GPC5: variants seen among roughly 807,000 people sequenced by gnomAD.
GPC5 encodes the protein glypican 5.
GPC5 carries 47 observed loss-of-function variants against 53.9 expected under a neutral mutation model. That is an observed-to-expected ratio of 0.87 (90% CI 0.69 to 1.11). GPC5 has a LOEUF of 1.11. Ranked by LOEUF, GPC5 falls within the 50% of genes most tolerant of loss-of-function variation. GPC5 has a pLI of 0.00. For synonymous variants in GPC5, 286 were observed against 263.3 expected (o/e 1.09, Z -0.84); for missense variants, 748 against 713.1 (o/e 1.05, Z -0.56).
chr13:91,573,776 A>G (rs1477396400), intron 2 of GPC5, among the ~76,000 whole-genome samples: 2 of 152,186 alleles, frequency 1.3e-5, no homozygotes, highest in East Asian at 3.8e-4. Flanking sequence ...AAGATAATCT[A>G]AAGAGATAAA....
chr13:92,022,721 C>G (rs976274548), intron 6 of GPC5, among the ~76,000 whole-genome samples: 1 of 151,820 alleles, frequency 6.6e-6, no homozygotes, highest in Admixed American at 6.6e-5. Flanking sequence ...AAATCAGCCC[C>G]AAATATAAAA....
At chr13:91,960,573 T>C (rs2040117442) in intron 6 of GPC5, among the ~76,000 whole-genome samples, 2 of 151,998 alleles carry the variant, frequency 1.3e-5, no homozygotes, top group Admixed American at 1.3e-4. Flanking sequence ...CTAAAATTTG[T>C]GGAACCAAAA....
chr13:92,186,689 C>T (rs1433880241), intron 7 of GPC5, among the ~76,000 whole-genome samples: 1 of 152,114 alleles, frequency 6.6e-6, no homozygotes, highest in Non-Finnish European at 1.5e-5. Context: ...CTGACTGCAT[C>T]GTCAAGGATT....
chr13:92,300,472 C>T (rs1171364779), intron 7 of GPC5, among the ~76,000 whole-genome samples: 2 of 152,174 alleles, frequency 1.3e-5, no homozygotes. Context: ...TCCAATGACA[C>T]TGATGTTGCT....
chr13:91,829,516 A>T (rs2038623238), intron 5 of GPC5, among the ~76,000 whole-genome samples: 1 of 152,100 alleles, frequency 6.6e-6, no homozygotes, highest in Admixed American at 6.6e-5. Context: ...CCTTGTTCTT[A>T]GGAAACAATG....
intron 7 of GPC5, among the ~76,000 whole-genome samples, chr13:92,563,452 T>G (rs1178954281): frequency 6.6e-6 from 1 of 152,030 alleles, no homozygotes; most frequent in Non-Finnish European, 1.5e-5. Flanking sequence ...AATTTTAACT[T>G]GCATGAAATA....
At chr13:91,870,544 G>C (rs757744159) in intron 5 of GPC5, among the ~76,000 whole-genome samples, 2 of 152,140 alleles carry the variant, frequency 1.3e-5, no homozygotes, top group East Asian at 1.9e-4. Context: ...TTACAGTGCA[G>C]TTCATTTCAC....
At chr13:92,754,744 T>C (rs1874779706) in intron 7 of GPC5, among the ~76,000 whole-genome samples, 1 of 151,556 alleles carries the variant, frequency 6.6e-6, no homozygotes, top group Non-Finnish European at 1.5e-5. Context: ...GGCCATTACA[T>C]AATGGTAAAG....
intron 7 of GPC5, among the ~76,000 whole-genome samples, chr13:92,178,068 T>C (rs1377596227): frequency 2.0e-5 from 3 of 152,186 alleles, no homozygotes; most frequent in Non-Finnish European, 2.9e-5. Context: ...GCTCTTAACC[T>C]AATTATATTC....
At chr13:91,456,255 T>C (rs79728812) in intron 2 of GPC5, among the ~76,000 whole-genome samples, 181 of 152,260 alleles carry the variant, frequency 1.2e-3, no homozygotes, top group Non-Finnish European at 2.5e-3. Flanking sequence ...ACATACAAAG[T>C]ATGGTGATCC....
intron 7 of GPC5, among the ~76,000 whole-genome samples, chr13:92,347,797 A>G (rs1317208742): frequency 8.0e-6 from 1 of 125,672 alleles, no homozygotes; most frequent in Non-Finnish European, 1.6e-5. Context: ...GGGAGGAGCA[A>G]AAGTGTGGAG....
Position 92,649,658 on chromosome 13 carries a change from A to G in GPC5, c.1562-216624A>G, listed in dbSNP as rs191739920. 1.7e-3 allele frequency among the ~76,000 whole-genome samples: 261 copies of G among 152,202 alleles called. 5 individuals are homozygous for G. Among genetic ancestry groups the G allele is most frequent in the Non-Finnish European group, 1.3e-4 (9 of 67,974 alleles). ...AAAAAGCAAACAGTCCCTGATATGAATCAAGAAATTTAGATTACCCTCCTG... is the reference window on the plus strand; with the variant it reads ...AAAAAGCAAACAGTCCCTGATATGAGTCAAGAAATTTAGATTACCCTCCTG... On this transcript the variant is annotated intron_variant, in intron 7 of 7. Coordinates refer to ENST00000377067, the MANE Select transcript of GPC5 (RefSeq NM_004466.6).
At chr13:91,802,614 T>C (rs1232667840) in intron 5 of GPC5, among the ~76,000 whole-genome samples, 2 of 152,160 alleles carry the variant, frequency 1.3e-5, no homozygotes, top group South Asian at 4.1e-4. Context: ...TTGGTCCATC[T>C]ACAAACCTTT....
At chr13:92,195,220 G>A (rs371158121) in intron 7 of GPC5, among the ~76,000 whole-genome samples, 4 of 152,082 alleles carry the variant, frequency 2.6e-5, no homozygotes, top group African/African-American at 7.2e-5. Flanking sequence ...GCCAAAAAAC[G>A]GTGGTGGTGG....
At chr13:92,124,064 G>A (rs527659327) in intron 6 of GPC5, among the ~76,000 whole-genome samples, 22 of 150,534 alleles carry the variant, frequency 1.5e-4, no homozygotes, top group African/African-American at 2.2e-4. Context: ...TAACAAAATC[G>A]AAATCTCAAA....
intron 7 of GPC5, among the ~76,000 whole-genome samples, chr13:92,695,958 T>C (rs1594427005): frequency 6.6e-6 from 1 of 152,180 alleles, no homozygotes; most frequent in Admixed American, 6.5e-5. Flanking sequence ...GTTTGGTTTT[T>C]TGTTCCTGTG....
chr13:92,234,469 C>G (rs116875520), intron 7 of GPC5, among the ~76,000 whole-genome samples: 1 of 152,072 alleles, frequency 6.6e-6, no homozygotes, highest in Admixed American at 6.6e-5. Flanking sequence ...TAGGGAGCCT[C>G]ACAAGAGAGT....
At chr13:92,736,149 A>C (rs577143764) in intron 7 of GPC5, among the ~76,000 whole-genome samples, 1 of 152,076 alleles carries the variant, frequency 6.6e-6, no homozygotes, top group African/African-American at 2.4e-5. Context: ...TTGTATTTTC[A>C]GTTGTTATGT....
intron 7 of GPC5, among the ~76,000 whole-genome samples, chr13:92,629,510 G>T (rs1419601178): frequency 6.6e-6 from 1 of 152,056 alleles, no homozygotes; most frequent in Non-Finnish European, 1.5e-5. Flanking sequence ...GATTTAACTT[G>T]TACTGTCATA....
Sources: allele counts gnomAD v4.1 joint callset (sites outside exome capture counted in the v4.1 genomes callset), GRCh38; gene constraint gnomAD v4.1.1; transcripts MANE v1.5; gene names NCBI Gene and HGNC (gene_info 2026-07-23, HGNC 2026-07-21).